GRIK3: variants seen among roughly 807,000 people sequenced by gnomAD.
GRIK3 encodes glutamate ionotropic receptor kainate type subunit 3.
A neutral mutation model predicts 102.5 loss-of-function variants in GRIK3; 29 were observed. The observed-to-expected ratio is 0.28, with a 90% CI of 0.21 to 0.39. The LOEUF (loss-of-function observed/expected upper bound fraction) is 0.39. GRIK3 is among the 10% of genes least tolerant of loss of function. The pLI is 1.00. For missense variants in GRIK3, 908 were observed against 1,252.4 expected, an observed-to-expected ratio of 0.73 and a Z score of 4.15; for synonymous variants, 511 against 504.9, an observed-to-expected ratio of 1.01 and a Z score of -0.16.
At chr1:36,867,299 T>C (rs1377351574) in intron 5 of GRIK3, among the ~76,000 whole-genome samples, 1 of 152,182 alleles carries the variant, frequency 6.6e-6, no homozygotes, top group African/African-American at 2.4e-5. Flanking sequence ...GTGGACTGGC[T>C]GAGCATCAGT....
Position 36,850,314 on chromosome 1 carries a change from C to T in GRIK3, c.1323G>A (p.Val441=). 2 of 1,595,540 alleles carry T rather than the reference C, an allele frequency of 1.3e-6. No individual in the cohort carries two copies. Among genetic ancestry groups the T allele is most frequent in the Non-Finnish European group, 1.7e-6 (2 of 1,163,076 alleles). Residue 441 remains valine (V), a synonymous_variant, in exon 9 of 16, where the codon GTG becomes GTA. Coordinates refer to ENST00000373091, the MANE Select transcript of GRIK3 (RefSeq NM_000831.4). The surrounding 1 kb of genome is among the most constrained non-coding windows in gnomAD (Gnocchi z 4.0). ...LTNRSLIVTT[V]LEEPFVMFRK... ...TGCAGGGGCTGCAGGCTCTTACCAG[C>T]ACTGTGGTGACAATGAGTGATCTGT...
chr1:36,973,776 G>A (rs150336369), intron 1 of GRIK3, among the ~76,000 whole-genome samples: 6 of 152,130 alleles, frequency 3.9e-5, no homozygotes, highest in Non-Finnish European at 7.4e-5. Context: ...ATGAAATGAG[G>A]CATGAAAAAT....
chr1:36,838,400 G>C (rs1640406486), intron 10 of GRIK3, among the ~76,000 whole-genome samples: 1 of 152,220 alleles, frequency 6.6e-6, no homozygotes, highest in African/African-American at 2.4e-5. Context: ...CAGACAAGTA[G>C]GCAGTAAATA....
intron 1 of GRIK3, among the ~76,000 whole-genome samples, chr1:36,908,766 G>C (rs571318774): frequency 6.7e-6 from 1 of 149,098 alleles, no homozygotes; most frequent in South Asian, 2.2e-4. Context: ...AGGCGGCTAA[G>C]AAATGGGATA....
At chr1:36,835,372 G>T (rs1640364141) in intron 10 of GRIK3, among the ~76,000 whole-genome samples, 1 of 152,236 alleles carries the variant, frequency 6.6e-6, no homozygotes, top group African/African-American at 2.4e-5. Flanking sequence ...GGAGCTGGTG[G>T]ATAAACCTGT....
intron 1 of GRIK3, among the ~76,000 whole-genome samples, chr1:37,028,448 G>A (rs1642787559): frequency 6.6e-6 from 1 of 152,156 alleles, no homozygotes; most frequent in Admixed American, 6.5e-5. Context: ...TGTATTGGTA[G>A]GAAGGCTGGG....
chr1:36,932,914 A>G (rs990651511), intron 1 of GRIK3, among the ~76,000 whole-genome samples: 2 of 152,166 alleles, frequency 1.3e-5, no homozygotes, highest in Non-Finnish European at 2.9e-5. Context: ...GGAATAATGG[A>G]GGGAGGAAGA....
intron 1 of GRIK3, among the ~76,000 whole-genome samples, chr1:36,905,495 G>GAAA (rs61097453): frequency 2.5e-4 from 35 of 140,616 alleles, no homozygotes; most frequent in African/African-American, 9.0e-4. Flanking sequence ...TTGGTAATAA[G>GAAA]AAAAAAAAAA....
At chr1:36,903,789 A>AT (rs1641256230) in intron 1 of GRIK3, among the ~76,000 whole-genome samples, 1 of 152,244 alleles carries the variant, frequency 6.6e-6, no homozygotes, top group African/African-American at 2.4e-5. Flanking sequence ...AGTAAAAAAA[A>AT]GCAGTGGCTT....
At chr1:36,863,139 C>A (rs1235545242) in intron 5 of GRIK3, among the ~76,000 whole-genome samples, 3 of 152,164 alleles carry the variant, frequency 2.0e-5, no homozygotes, top group Non-Finnish European at 4.4e-5. Context: ...AACTGAACCA[C>A]ACAGATATTA....
At chr1:36,860,675 G>T (rs2124240697) in intron 5 of GRIK3, among the ~76,000 whole-genome samples, 1 of 152,286 alleles carries the variant, frequency 6.6e-6, no homozygotes, top group Non-Finnish European at 1.5e-5. Context: ...TGCAGCTCTG[G>T]GTCTGGGGGC....
At chr1:36,898,651 A>G (rs563798536) in intron 1 of GRIK3, among the ~76,000 whole-genome samples, 1 of 152,322 alleles carries the variant, frequency 6.6e-6, no homozygotes, top group South Asian at 2.1e-4. Flanking sequence ...TGACATTTCA[A>G]TGTCAATGAA....
intron 1 of GRIK3, among the ~76,000 whole-genome samples, chr1:36,945,995 G>A (rs948730115): frequency 6.6e-6 from 1 of 152,204 alleles, no homozygotes; most frequent in African/African-American, 2.4e-5. Flanking sequence ...TCTGTCCAAG[G>A]TGAAGAGCCA....
chr1:36,999,850 G>T (rs949773332), intron 1 of GRIK3, among the ~76,000 whole-genome samples: 2 of 152,018 alleles, frequency 1.3e-5, no homozygotes, highest in African/African-American at 4.8e-5. Context: ...TTACTAAATT[G>T]GCTGGGCATG....
intron 1 of GRIK3, among the ~76,000 whole-genome samples, chr1:36,993,041 T>C (rs565323809): frequency 6.6e-5 from 10 of 151,294 alleles, no homozygotes; most frequent in Non-Finnish European, 1.0e-4. Flanking sequence ...AGTGCGAACA[T>C]GGCAGATGAA....
intron 1 of GRIK3, among the ~76,000 whole-genome samples, chr1:36,967,139 C>T (rs1432340406): frequency 1.3e-5 from 2 of 152,200 alleles, no homozygotes; most frequent in East Asian, 3.9e-4. Flanking sequence ...ACTCTAGGGC[C>T]TTCCCTTTTA....
intron 1 of GRIK3, among the ~76,000 whole-genome samples, chr1:36,986,416 G>GTCCA (rs34375905): frequency 0.46 from 59,696 of 130,352 alleles, 14,563 homozygotes; most frequent in East Asian, 0.55. Flanking sequence ...CCATCTCTCT[G>GTCCA]TCCATCCATC....
chr1:36,926,493 C>T (rs973020663), intron 1 of GRIK3, among the ~76,000 whole-genome samples: 6 of 151,764 alleles, frequency 4.0e-5, no homozygotes, highest in South Asian at 4.2e-4. Flanking sequence ...CGGGTTCAAG[C>T]GATTCTTCTG....
intron 1 of GRIK3, among the ~76,000 whole-genome samples, chr1:36,911,156 C>A (rs1007456637): frequency 6.6e-6 from 1 of 151,696 alleles, no homozygotes; most frequent in African/African-American, 2.4e-5. Context: ...AGGGGAGCTG[C>A]GTGGTTGGCT....
Sources: allele counts gnomAD v4.1 joint callset (sites outside exome capture counted in the v4.1 genomes callset), GRCh38; gene constraint gnomAD v4.1.1; non-coding constraint Gnocchi (gnomAD v3.1); transcripts MANE v1.5; gene names NCBI Gene and HGNC (gene_info 2026-07-23, HGNC 2026-07-21).